The following SPAG16 variants were observed in gnomAD, a reference collection of about 807,000 sequenced individuals.
SPAG16 encodes sperm-associated antigen 16 protein.
Under a neutral mutation model 80.4 loss-of-function variants are expected in SPAG16, and 86 were observed. That is an observed-to-expected ratio of 1.07 (90% CI 0.90 to 1.28). The LOEUF (loss-of-function observed/expected upper bound fraction) is 1.28. Among genes scored for constraint, SPAG16 ranks in the 50% most tolerant of loss-of-function variants. The pLI is 0.00. For synonymous variants in SPAG16, 294 were observed against 265.9 expected, an observed-to-expected ratio of 1.11 and a Z score of -1.03; for missense variants, 870 against 765.3, an observed-to-expected ratio of 1.14 and a Z score of -1.61.
chr2:213,530,415 C>T (rs962661601), intron 10 of SPAG16, among the ~76,000 whole-genome samples: 13 of 152,146 alleles, frequency 8.5e-5, no homozygotes, highest in Non-Finnish European at 1.8e-4. Context: ...ATATACTGTT[C>T]ATCATTGACT....
At chr2:213,449,249 C>G (rs928723547) in intron 9 of SPAG16, among the ~76,000 whole-genome samples, 2 of 152,138 alleles carry the variant, frequency 1.3e-5, no homozygotes, top group African/African-American at 4.8e-5. Context: ...CTCTTGAACC[C>G]TGTTTTCTGT....
chr2:213,922,486 A>T (rs544366678), intron 11 of SPAG16, among the ~76,000 whole-genome samples: 1 of 152,104 alleles, frequency 6.6e-6, no homozygotes, highest in Non-Finnish European at 1.5e-5. Context: ...CTGTATCTTG[A>T]TGATCCTTGT....
At chr2:213,805,850 A>G (rs923989116) in intron 10 of SPAG16, among the ~76,000 whole-genome samples, 4 of 152,234 alleles carry the variant, frequency 2.6e-5, no homozygotes, top group Non-Finnish European at 4.4e-5. Context: ...TCATATAGCA[A>G]TGGTTGTTAT....
rs545500796 is a variant in SPAG16 at position 214,014,810 on chromosome 2, A to C, written c.1527+733A>C. Among the ~76,000 whole-genome samples, 8 of 152,324 alleles carry C rather than the reference A, an allele frequency of 5.3e-5. No homozygotes were observed. The South Asian group carries it at 8.3e-4, about 16-fold the overall frequency. ...AGCATTAAGCAAACAGGGTGACATA[A>C]TCGGATTTACCTTGTCAACTGAAGA... On this transcript the variant is annotated intron_variant, in intron 13 of 15. Transcript: ENST00000331683.
intron 9 of SPAG16, among the ~76,000 whole-genome samples, chr2:213,381,836 A>G (rs1050921021): frequency 7.9e-5 from 12 of 152,234 alleles, no homozygotes; most frequent in African/African-American, 2.9e-4. Flanking sequence ...AGCCACTGCC[A>G]ATAAATAGGT....
In SPAG16 at chr2:213,862,600, T is replaced by G. The variant is rs769510216; in HGVS notation, c.1186T>G (p.Trp396Gly). ...TCTCACGGGATTTGGCCACACTGACTGGCTTTCAGACTGCTGCTTCCATCC... is the reference window on the plus strand; with the variant it reads ...TCTCACGGGATTTGGCCACACTGACGGGCTTTCAGACTGCTGCTTCCATCC... ...VLLTGFGHTDWLSDCCFHPSG... is the reference protein window; with the variant it reads ...VLLTGFGHTDGLSDCCFHPSG... Residue 396 changes from tryptophan (W) to glycine (G), a missense_variant, in exon 11 of 16, where the codon TGG becomes GGG. Transcript: ENST00000331683. 2 of 1,614,034 alleles carry G rather than the reference T, an allele frequency of 1.2e-6. No homozygotes were observed. Among genetic ancestry groups the G allele is most frequent in the African/African-American group, 1.3e-5 (1 of 74,926 alleles).
intron 14 of SPAG16, among the ~76,000 whole-genome samples, chr2:214,115,400 G>A (rs996098161): frequency 6.6e-6 from 1 of 152,158 alleles, no homozygotes; most frequent in Non-Finnish European, 1.5e-5. Context: ...GGTGCCTTTA[G>A]GGATAGACAT....
chr2:213,619,755 C>A (rs991005621), intron 10 of SPAG16, among the ~76,000 whole-genome samples: 1 of 152,148 alleles, frequency 6.6e-6, no homozygotes, highest in Non-Finnish European at 1.5e-5. Flanking sequence ...CAGTATGGAA[C>A]TTCCTCAAAA....
At chr2:214,107,424 C>T (rs1339705327) in intron 13 of SPAG16, among the ~76,000 whole-genome samples, 3 of 152,088 alleles carry the variant, frequency 2.0e-5, no homozygotes, top group Admixed American at 1.3e-4. Context: ...ATGACTTTCC[C>T]TTGTTCTACA....
intron 12 of SPAG16, among the ~76,000 whole-genome samples, chr2:213,938,233 A>T (rs1315241059): frequency 6.6e-6 from 1 of 152,030 alleles, no homozygotes. Flanking sequence ...TGGTCAATGC[A>T]TAAGTCTTAG....
chr2:214,232,721 A>G (rs1216494587), intron 15 of SPAG16, among the ~76,000 whole-genome samples: 1 of 152,054 alleles, frequency 6.6e-6, no homozygotes, highest in Non-Finnish European at 1.5e-5. Flanking sequence ...ATTATAATGT[A>G]TATTCAATGA....
intron 13 of SPAG16, among the ~76,000 whole-genome samples, chr2:214,093,087 C>T (rs2052333050): frequency 6.6e-6 from 1 of 152,030 alleles, no homozygotes; most frequent in African/African-American, 2.4e-5. Context: ...ATAACTCAAA[C>T]TTTTATTTGG....
At chr2:213,648,611 C>A (rs1014669906) in intron 10 of SPAG16, among the ~76,000 whole-genome samples, 2 of 152,120 alleles carry the variant, frequency 1.3e-5, no homozygotes, top group African/African-American at 4.8e-5. Flanking sequence ...CACACACACA[C>A]ACACACACAT....
At chr2:213,356,496 A>G (rs2065660677) in intron 7 of SPAG16, among the ~76,000 whole-genome samples, 2 of 152,180 alleles carry the variant, frequency 1.3e-5, no homozygotes, top group Admixed American at 1.3e-4. Flanking sequence ...GTGTCCAGGA[A>G]TTTATCCATT....
intron 10 of SPAG16, among the ~76,000 whole-genome samples, chr2:213,835,264 C>T (rs939602709): frequency 3.9e-5 from 6 of 152,090 alleles, no homozygotes; most frequent in African/African-American, 1.4e-4. Flanking sequence ...TATCCATGTT[C>T]GTTATGCCAT....
At chr2:214,206,736 C>T (rs951162439) in intron 15 of SPAG16, among the ~76,000 whole-genome samples, 3 of 152,142 alleles carry the variant, frequency 2.0e-5, no homozygotes, top group Admixed American at 1.3e-4. Flanking sequence ...ACATTCCTAC[C>T]AAAGGTGTAT....
chr2:214,261,294 G>C lies in SPAG16; in HGVS notation c.1720+112028G>C, dbSNP rs115093381. Among the ~76,000 whole-genome samples, 486 of 151,868 alleles carry C rather than the reference G, an allele frequency of 3.2e-3. 4 individuals carry two copies. The highest frequency in any genetic ancestry group is 3.9e-3 in the Non-Finnish European group (266 of 67,970). On this transcript the variant is annotated intron_variant, in intron 15 of 15. Transcript: ENST00000331683. ...CCATCACATACCGTTCACTCACACA[G>C]AGAGCTAGGCTTCAGAAGCCCCCTG...
At chr2:213,741,855 G>C (rs1021439499) in intron 10 of SPAG16, among the ~76,000 whole-genome samples, 8 of 151,986 alleles carry the variant, frequency 5.3e-5, no homozygotes, top group African/African-American at 1.9e-4. Context: ...ATTTTGAGTT[G>C]TTCTCTTTTT....
intron 10 of SPAG16, among the ~76,000 whole-genome samples, chr2:213,827,970 A>G (rs2073403219): frequency 6.6e-6 from 1 of 152,070 alleles, no homozygotes; most frequent in Admixed American, 6.5e-5. Context: ...AAGTTTGACT[A>G]TTAAATGCAC....
Sources: gnomAD v4.1 joint callset for allele counts (sites outside exome capture counted in the v4.1 genomes callset) on GRCh38, gnomAD v4.1.1 for gene constraint, MANE v1.5 for transcripts, NCBI Gene and HGNC (gene_info 2026-07-23, HGNC 2026-07-21) for gene names.